CIT: variants seen among roughly 807,000 people sequenced by gnomAD.
CIT encodes citron Rho-interacting kinase.
A neutral mutation model predicts 272.7 loss-of-function variants in CIT; 79 were observed. The observed-to-expected ratio is 0.29, with a 90% CI of 0.24 to 0.35. CIT has a LOEUF of 0.35. Ranked by LOEUF, CIT falls within the 10% of genes least tolerant of loss-of-function variation. CIT has a pLI of 1.00. For missense variants in CIT, 1,909 were observed against 2,618.3 expected (o/e 0.73, Z 5.91); for synonymous variants, 948 against 995.6 (o/e 0.95, Z 0.90).
intron 2 of CIT, among the ~76,000 whole-genome samples, chr12:119,870,985 G>A (rs945324746): frequency 1.3e-5 from 2 of 151,976 alleles, no homozygotes; most frequent in Admixed American, 6.6e-5. Flanking sequence ...CGGGCGTGGA[G>A]GCACGTGCCT....
At chr12:119,725,051 G>C (rs1403004146) in intron 28 of CIT, among the ~76,000 whole-genome samples, 2 of 151,812 alleles carry the variant, frequency 1.3e-5, no homozygotes, top group Non-Finnish European at 1.5e-5. Flanking sequence ...CAAGGATAAA[G>C]GGAATAGTGC....
intron 22 of CIT, among the ~76,000 whole-genome samples, chr12:119,754,704 T>A (rs1960716085): frequency 6.6e-6 from 1 of 152,210 alleles, no homozygotes; most frequent in Non-Finnish European, 1.5e-5. Flanking sequence ...GAAGAGGGAC[T>A]GATCTGGTTA....
At chr12:119,752,594 GAT>G (rs1352724189) in intron 22 of CIT, among the ~76,000 whole-genome samples, 1 of 152,198 alleles carries the variant, frequency 6.6e-6, no homozygotes, top group Non-Finnish European at 1.5e-5. Flanking sequence ...AAGCTAAGCA[GAT>G]ATAAATAACA....
In CIT at chr12:119,828,014, T is replaced by C. The variant is rs558187400; in HGVS notation, c.754-2646A>G. ...CAACCAAAGAGTTGCAAAAACAGAA[T>C]TGACTGGGGAGTGTTTCTCAGGACA... On this transcript the variant is annotated intron_variant, in intron 7 of 47. Transcript: ENST00000392521. Among the ~76,000 whole-genome samples, 4 of 152,282 alleles carry C rather than the reference T, an allele frequency of 2.6e-5. No individual in the cohort carries two copies. In the South Asian group the frequency reaches 6.2e-4, roughly 24 times the overall value.
intron 5 of CIT, among the ~76,000 whole-genome samples, chr12:119,838,391 TAAG>T (rs983038364): frequency 1.3e-5 from 2 of 152,198 alleles, no homozygotes; most frequent in African/African-American, 2.4e-5. Flanking sequence ...AAAATAATAA[TAAG>T]AAGAAGTATA....
Position 119,784,947 on chromosome 12 carries a change from C to A in CIT, c.1401+13G>T, listed in dbSNP as rs372520987. ...CTGGAGCAAGGAAGGAGGCCGGCTG[C>A]GGAAATAAATACCTTGTGACACTTG... is the stretch of plus-strand genomic sequence containing the variant. On this transcript the variant is annotated intron_variant, in intron 11 of 47. Coordinates refer to ENST00000392521, the MANE Select transcript of CIT (RefSeq NM_001206999.2). This position sits in a 1 kb window ranked among gnomAD's most constrained non-coding sequence, Gnocchi z 4.7. 1.9e-6 allele frequency: 3 copies of A among 1,613,936 alleles called. No homozygotes were observed. Among genetic ancestry groups the A allele is most frequent in the Admixed American group, 3.3e-5 (2 of 59,992 alleles).
At position 119,697,958 on chromosome 12, in the gene CIT, T is replaced by C. The variant is rs199807885; in HGVS notation, c.5702+18A>G. 2.5e-6 allele frequency: 4 copies of C among 1,613,986 alleles called. No homozygotes were observed. The African/African-American group carries it at 4.0e-5, about 16-fold the overall frequency. Reference sequence around the variant, plus strand: ...CCCAATAGCTGAAGTTTTCCACGCATGGGAGGACAATGCTTACCCTGCTGA... The same window carrying C: ...CCCAATAGCTGAAGTTTTCCACGCACGGGAGGACAATGCTTACCCTGCTGA... On this transcript the variant is annotated intron_variant, in intron 45 of 47. Transcript: ENST00000392521. This position sits in a 1 kb window ranked among gnomAD's most constrained non-coding sequence, Gnocchi z 4.9.
intron 13 of CIT, among the ~76,000 whole-genome samples, chr12:119,781,567 T>C (rs1220623188): frequency 1.3e-5 from 2 of 152,034 alleles, no homozygotes; most frequent in Admixed American, 1.3e-4. Context: ...TTCATTAAAG[T>C]CTCTATTTAC....
At chr12:119,845,140 C>A (rs1372038309) in intron 5 of CIT, among the ~76,000 whole-genome samples, 1 of 151,592 alleles carries the variant, frequency 6.6e-6, no homozygotes, top group Non-Finnish European at 1.5e-5. Flanking sequence ...AACCAAAAAA[C>A]AAAAACAAAA....
chr12:119,775,705 T>C, intron 16 of CIT, 81 bp downstream of exon 16: 1 of 1,097,138 alleles, frequency 9.1e-7, no homozygotes, highest in Non-Finnish European at 1.4e-6. Context: ...TTCTTTCATC[T>C]TTCGTGCTCT....
At chr12:119,874,861 T>A (rs1438080692) in intron 2 of CIT, among the ~76,000 whole-genome samples, 4 of 142,958 alleles carry the variant, frequency 2.8e-5, no homozygotes, top group African/African-American at 1.1e-4. Flanking sequence ...CACTCCAGCC[T>A]GGGCGACAGC....
intron 23 of CIT, among the ~76,000 whole-genome samples, chr12:119,744,014 T>C (rs1460363097): frequency 1.3e-5 from 2 of 152,212 alleles, no homozygotes; most frequent in Non-Finnish European, 2.9e-5. Context: ...CGGATTTTAC[T>C]GTTGTTTTAA....
Position 119,690,316 on chromosome 12 carries a change from C to G in CIT, c.6021G>C (p.Glu2007Asp), listed in dbSNP as rs903012420. Reference sequence around the variant, plus strand: ...GGCCAGGAGACTTGTCCCTGCGCAGCTCGGTCCGCCCCTCGCGGTAGCGGT... The same window carrying G: ...GGCCAGGAGACTTGTCCCTGCGCAGGTCGGTCCGCCCCTCGCGGTAGCGGT... ...TPHRYREGRT[E>D]LRRDKSPGRP... Residue 2007 changes from glutamate to aspartate, a missense_variant, in exon 47 of 48, where the codon GAG (glutamate) becomes GAC (aspartate). This residue lies in a region of CIT where 780 missense variants were observed against 1,067.2 expected (regional missense o/e 0.73). Coordinates refer to ENST00000392521, the MANE Select transcript of CIT (RefSeq NM_001206999.2). This position sits in a 1 kb window ranked among gnomAD's most constrained non-coding sequence, Gnocchi z 6.0. The G allele has an allele frequency of 1.1e-5, 18 of 1,594,930 alleles. No individual in the cohort carries two copies. Among genetic ancestry groups the G allele is most frequent in the Non-Finnish European group, 1.4e-5 (17 of 1,177,498 alleles).
chr12:119,852,605 G>A (rs576886468), intron 4 of CIT, among the ~76,000 whole-genome samples: 7 of 151,868 alleles, frequency 4.6e-5, no homozygotes, highest in Admixed American at 2.0e-4. Context: ...GTGGAGCTGA[G>A]GCAGGAGAAT....
intron 5 of CIT, among the ~76,000 whole-genome samples, chr12:119,840,276 C>T (rs1969320469): frequency 6.6e-6 from 1 of 152,180 alleles, no homozygotes; most frequent in African/African-American, 2.4e-5. Context: ...TACGATCGTG[C>T]CACTGCACTC....
chr12:119,727,801 A>G (rs1958195358), intron 28 of CIT, among the ~76,000 whole-genome samples: 1 of 152,046 alleles, frequency 6.6e-6, no homozygotes, highest in African/African-American at 2.4e-5. Flanking sequence ...ATGGAGGCAT[A>G]TACCTGTAGT....
chr12:119,873,621 C>T (rs551721360), intron 2 of CIT, among the ~76,000 whole-genome samples: 2 of 152,204 alleles, frequency 1.3e-5, no homozygotes, highest in South Asian at 2.1e-4. Context: ...GGGGCTGAAA[C>T]GTGGCAGCAC....
intron 22 of CIT, among the ~76,000 whole-genome samples, chr12:119,753,923 C>T (rs1274214963): frequency 1.3e-5 from 2 of 152,112 alleles, no homozygotes; most frequent in Non-Finnish European, 2.9e-5. Context: ...TGTCTAACGT[C>T]TACTAATAAG....
chr12:119,820,016 T>C (rs1267540830), intron 9 of CIT, among the ~76,000 whole-genome samples: 1 of 152,094 alleles, frequency 6.6e-6, no homozygotes, highest in Non-Finnish European at 1.5e-5. Context: ...TCGGTGGGCA[T>C]GAAGATCCCA....
Sources: allele counts gnomAD v4.1 joint callset (sites outside exome capture counted in the v4.1 genomes callset), GRCh38; gene constraint gnomAD v4.1.1; regional missense constraint gnomAD v4.1.1; non-coding constraint Gnocchi (gnomAD v3.1); transcripts MANE v1.5; gene names NCBI Gene and HGNC (gene_info 2026-07-23, HGNC 2026-07-21).